LTBP4: variants seen among roughly 807,000 people sequenced by gnomAD.
The protein encoded by LTBP4 is latent transforming growth factor beta binding protein 4, also known as latent-transforming growth factor beta-binding protein 4.
Under a neutral mutation model 180.2 loss-of-function variants are expected in LTBP4, and 93 were observed. That is an observed-to-expected ratio of 0.52 (90% CI 0.44 to 0.61). LTBP4 has a LOEUF of 0.61. LTBP4 is among the 20% of genes least tolerant of loss of function. The pLI is 0.00. For missense variants in LTBP4, 2,116 were observed against 2,256.5 expected (o/e 0.94, Z 1.26); for synonymous variants, 947 against 934.5 (o/e 1.01, Z -0.24).
At chr19:40,607,276 C>CCCCCCCA (rs2146023533) in intron 6 of LTBP4, 89 bp from the exon 7 acceptor site, 35 of 366,276 alleles carry the variant, frequency 9.6e-5, no homozygotes, top group East Asian at 4.2e-4. Flanking sequence ...CCACCCCCAA[C>CCCCCCCA]CCCAGAACCA....
intron 19 of LTBP4, chr19:40,615,295 T>G (rs1409506025): frequency 6.7e-6 from 1 of 149,596 alleles, no homozygotes; most frequent in Non-Finnish European, 1.5e-5. Context: ...CTCTGACTCA[T>G]GGAAATCTAG....
intron 21 of LTBP4, among the ~76,000 whole-genome samples, chr19:40,618,259 GTT>G (rs1055926861): frequency 1.4e-4 from 19 of 135,830 alleles, no homozygotes; most frequent in Admixed American, 3.0e-4. Flanking sequence ...GTAGAGATGA[GTT>G]TTTTTTTTTT....
At position 40,626,866 on chromosome 19, in the gene LTBP4, C is replaced by G. The variant is rs181632637; in HGVS notation, c.3986-109C>G. 1,270 of 1,372,290 alleles carry G rather than the reference C, an allele frequency of 9.3e-4. 8 individuals carry two copies. Among genetic ancestry groups the G allele is most frequent in the African/African-American group, 6.7e-3 (463 of 68,672 alleles). 85.0% of individuals were successfully genotyped at this position (1,372,290 alleles called of 1,614,324 possible). A position where few individuals can be genotyped will look rare whatever the true frequency, so the allele number is the denominator to read the frequency against. On this transcript the variant is annotated intron_variant, in intron 27 of 29. Coordinates refer to ENST00000396819, the MANE Select transcript of LTBP4 (RefSeq NM_001042545.2). ...CTGGCTCCAGAAACCCCGGGGCCACCCAGGACCCTCCCCATCCAGTCCTCT... is the reference window on the plus strand; with the variant it reads ...CTGGCTCCAGAAACCCCGGGGCCACGCAGGACCCTCCCCATCCAGTCCTCT...
intron 22 of LTBP4, among the ~76,000 whole-genome samples, chr19:40,621,070 T>C (rs539321613): frequency 3.3e-5 from 5 of 152,130 alleles, no homozygotes; most frequent in African/African-American, 1.2e-4. Flanking sequence ...GCCTCCTGAG[T>C]AGCTGGGATT....
In LTBP4 at chr19:40,619,435, C is replaced by G; in HGVS notation, c.3159C>G (p.Asn1053Lys). ...VEGSFLCVCP[N>K]SPEEFDPMTG... ...GCTCCTTCCTCTGTGTCTGCCCCAACAGCCCGGAAGAGTTTGACCCCATGA... is the reference window on the plus strand; with the variant it reads ...GCTCCTTCCTCTGTGTCTGCCCCAAGAGCCCGGAAGAGTTTGACCCCATGA... The change falls in exon 22 of 30, where the codon AAC (asparagine) becomes AAG (lysine). Residue 1053 changes from asparagine (N) to lysine (K), a missense_variant. By Grantham distance (94) the Asn-to-Lys change is moderately conservative. Around this residue, in one of 5 missense-constraint regions of LTBP4, gnomAD observed 278 missense variants for 373.0 expected, o/e 0.75. Coordinates refer to ENST00000396819, the MANE Select transcript of LTBP4 (RefSeq NM_001042545.2). The G allele has an allele frequency of 6.2e-7, 1 of 1,613,926 alleles. No individual in the cohort carries two copies. Among genetic ancestry groups the G allele is most frequent in the Non-Finnish European group, 8.5e-7 (1 of 1,179,870 alleles).
At position 40,611,854 on chromosome 19, in the gene LTBP4, C is replaced by T. The variant is rs1482350769; in HGVS notation, c.2054-5C>T. ...CCTCAGCCTCATTGGTCCCCTCTGC[C>T]CCAGATGTGGATGAGTGTGCCCGAA... On this transcript the variant is annotated splice_polypyrimidine_tract_variant and splice_region_variant and intron_variant, in intron 13 of 29. Transcript: ENST00000396819. The surrounding 1 kb of genome is among the most constrained non-coding windows in gnomAD (Gnocchi z 4.4). 6.2e-7 allele frequency: 1 copy of T among 1,606,706 alleles called. No individual in the cohort carries two copies. Among genetic ancestry groups the T allele is most frequent in the Non-Finnish European group, 8.5e-7 (1 of 1,176,670 alleles).
intron 19 of LTBP4, among the ~76,000 whole-genome samples, chr19:40,615,579 G>A (rs1232074119): frequency 6.6e-6 from 1 of 152,144 alleles, no homozygotes; most frequent in Non-Finnish European, 1.5e-5. Context: ...CCAACATGGT[G>A]AAACCCCGTC....
At chr19:40,600,110 G>T, upstream of LTBP4, 1 of 1,259,050 alleles carries the variant, frequency 7.9e-7, no homozygotes. The surrounding 1 kb of genome is among the most constrained non-coding windows in gnomAD (Gnocchi z 4.4). Flanking sequence ...GGCGGCCCCG[G>T]GGGCCAGGGG....
intron 21 of LTBP4, among the ~76,000 whole-genome samples, chr19:40,619,045 T>C (rs147379696): frequency 2.7e-4 from 41 of 152,160 alleles, no homozygotes; most frequent in African/African-American, 9.2e-4. Flanking sequence ...TGGCTTTGAT[T>C]GACCCAGCAT....
rs989791063 is a variant in LTBP4 at position 40,622,502 on chromosome 19, G to T, written c.3319G>T (p.Gly1107Cys). Residue 1107 changes from glycine (G) to cysteine (C), a missense_variant, in exon 23 of 30, where the codon GGC becomes TGC. By Grantham distance (159) the Gly-to-Cys change is radical. Around this residue, in one of 5 missense-constraint regions of LTBP4, gnomAD observed 278 missense variants for 373.0 expected, o/e 0.75. Coordinates refer to ENST00000396819, the MANE Select transcript of LTBP4 (RefSeq NM_001042545.2). This position sits in a 1 kb window ranked among gnomAD's most constrained non-coding sequence, Gnocchi z 5.1. ...LPRRPSTPRQ[G>C]PVGSGRRECY... ...CCGCCGACCCAGCACACCTAGGCAG[G>T]GCCCTGTGGGGAGTGGGCGCCGGGA... The T allele has an allele frequency of 6.2e-7, 1 of 1,613,276 alleles. No individual in the cohort carries two copies. The highest frequency in any genetic ancestry group is 8.5e-7 in the Non-Finnish European group (1 of 1,179,634).
At chr19:40,601,675 G>T (rs754636301) in intron 1 of LTBP4, 38 bp downstream of exon 1, 4 of 1,309,484 alleles carry the variant, frequency 3.1e-6, no homozygotes, top group Admixed American at 4.1e-5. Context: ...AGCGGCTCCG[G>T]GGGGGAGGAG....
upstream of LTBP4, chr19:40,599,852 C>T: frequency 1.9e-6 from 1 of 519,036 alleles, no homozygotes; most frequent in Non-Finnish European, 3.4e-6. Flanking sequence ...AGTCTCTCTG[C>T]CCCTTCTCTC....
Position 40,625,985 on chromosome 19 carries a change from G to T in LTBP4, c.3961G>T (p.Ala1321Ser), listed in dbSNP as rs377003640. The T allele has an allele frequency of 3.1e-6, 5 of 1,606,402 alleles. No homozygotes were observed. The East Asian group carries it at 1.1e-4, about 36-fold the overall frequency. Reference sequence around the variant, plus strand: ...TGGAGAGGCCTGGGGCATGGACTGCGCCCTCTGCCCTGCGCAGGACTCAGG... The same window carrying T: ...TGGAGAGGCCTGGGGCATGGACTGCTCCCTCTGCCCTGCGCAGGACTCAGG... ...LYGEAWGMDC[A>S]LCPAQDSDDF... The change falls in exon 27 of 30, where the codon GCC becomes TCC. Residue 1321 changes from alanine (A) to serine (S), a missense_variant. Around this residue, in one of 5 missense-constraint regions of LTBP4, gnomAD observed 488 missense variants for 458.8 expected, o/e 1.06. Coordinates refer to ENST00000396819, the MANE Select transcript of LTBP4 (RefSeq NM_001042545.2).
Position 40,613,140 on chromosome 19 carries a change from G to A in LTBP4, c.2375G>A (p.Arg792His), listed in dbSNP as rs745331733. Reference sequence around the variant, plus strand: ...TGCACTAACACCGAAGGCTCCTTCCGCTGCAGCTGCGCGCCAGGCTACCGG... The same window carrying A: ...TGCACTAACACCGAAGGCTCCTTCCACTGCAGCTGCGCGCCAGGCTACCGG... ...GHCTNTEGSF[R>H]CSCAPGYRAP... The change falls in exon 16 of 30, where the codon CGC becomes CAC. Residue 792 changes from arginine (R) to histidine (H), a missense_variant. Transcript: ENST00000396819. The surrounding 1 kb of genome is among the most constrained non-coding windows in gnomAD (Gnocchi z 5.0). The A allele has an allele frequency of 2.5e-6, 4 of 1,598,264 alleles. No homozygotes were observed. Among genetic ancestry groups the A allele is most frequent in the Non-Finnish European group, 3.4e-6 (4 of 1,172,732 alleles).
rs11376199 is a variant in LTBP4 at position 40,623,174 on chromosome 19, C to CT, written c.3556+167dup. On this transcript the variant is annotated intron_variant, in intron 24 of 29. Transcript: ENST00000396819. Reference sequence around the variant, plus strand: ...CTCTGTCTCTTTCTTTCTTTTCTTTCTTTTTTTTTTTTTTCTTAAGATAGA... The same window carrying CT: ...CTCTGTCTCTTTCTTTCTTTTCTTTCTTTTTTTTTTTTTTTCTTAAGATAGA... Among the ~76,000 whole-genome samples, 60,940 of 138,244 alleles carry CT rather than the reference C, an allele frequency of 0.44. 14,633 individuals are homozygous for CT. Among genetic ancestry groups the CT allele is most frequent in the African/African-American group, 0.63 (23,207 of 36,556 alleles). The allele number at this position is 138,244 out of a possible 152,430, so 90.7% of individuals were successfully genotyped here. A position where few individuals can be genotyped will look rare whatever the true frequency, so the allele number is the denominator to read the frequency against.
Position 40,593,536 on chromosome 19 carries a change from G to A in LTBP4, c.16+355G>A, listed in dbSNP as rs979485604. On this transcript the variant is annotated intron_variant, in intron 1 of 32. Transcript: ENST00000204005. The stretch of plus-strand genomic sequence containing the variant: ...TGGGATTACAGGTGTGAGCTACCAT[G>A]CCCAGCCTCACACTCTAGAAAATTT... Among the ~76,000 whole-genome samples the A allele has an allele frequency of 9.2e-5, 14 of 151,504 alleles. No homozygotes were observed. In the East Asian group the frequency reaches 2.3e-3, roughly 25 times the overall value.
At chr19:40,599,494 A>T (rs748711192), upstream of LTBP4, 1 of 1,613,614 alleles carries the variant, frequency 6.2e-7, no homozygotes. Flanking sequence ...CAGTGCCTGC[A>T]GTGCCCAGTC....
chr19:40,613,317 T>G lies in LTBP4; in HGVS notation c.2432-87T>G. 2 of 1,549,432 alleles carry G rather than the reference T, an allele frequency of 1.3e-6. No homozygotes were observed. The highest frequency in any genetic ancestry group is 1.7e-6 in the Non-Finnish European group (2 of 1,145,404). ...TGGGAGGAGCTTAGAAACCTGGCAT[T>G]GGTGGGGGCGGGGTTACTGCGATGT... On this transcript the variant is annotated intron_variant, in intron 16 of 29. Coordinates refer to ENST00000396819, the MANE Select transcript of LTBP4 (RefSeq NM_001042545.2). This position sits in a 1 kb window ranked among gnomAD's most constrained non-coding sequence, Gnocchi z 5.0.
At chr19:40,626,740 T>C (rs958859340) in intron 27 of LTBP4, among the ~76,000 whole-genome samples, 1 of 152,080 alleles carries the variant, frequency 6.6e-6, no homozygotes. Context: ...CTCCCATGGG[T>C]CGCTCCAATT....
Sources: gnomAD v4.1 joint callset for allele counts (sites outside exome capture counted in the v4.1 genomes callset) on GRCh38, gnomAD v4.1.1 for gene constraint, gnomAD v4.1.1 regional missense constraint, Gnocchi (gnomAD v3.1) non-coding constraint, MANE v1.5 for transcripts, NCBI Gene and HGNC (gene_info 2026-07-23, HGNC 2026-07-21) for gene names.